Variants in MCC observed in about 807,000 individuals in gnomAD.
MCC encodes colorectal mutant cancer protein.
Under a neutral mutation model 116.2 loss-of-function variants are expected in MCC, and 90 were observed. The ratio of observed to expected loss-of-function variants is 0.77; its 90% CI spans 0.65 to 0.92. The LOEUF is 0.92. Among genes scored for constraint, MCC ranks in the 40% least tolerant of loss-of-function variants. MCC has a pLI of 0.00. For missense variants in MCC, 1,516 were observed against 1,312.2 expected, an observed-to-expected ratio of 1.16 and a Z score of -2.40; for synonymous variants, 578 against 510.5, an observed-to-expected ratio of 1.13 and a Z score of -1.78.
chr5:113,294,384 A>G, intron 3 of MCC: 1 of 1,613,694 alleles, frequency 6.2e-7, no homozygotes. Flanking sequence ...TCCGGAATTC[A>G]TGATGCACTT....
chr5:113,417,449 G>A (rs897654841), intron 1 of MCC, among the ~76,000 whole-genome samples: 5 of 152,176 alleles, frequency 3.3e-5, no homozygotes, highest in African/African-American at 1.2e-4. Context: ...AACCATTGTT[G>A]CCTAAGAGGT....
chr5:113,248,832 C>CTTTTTTTTTT lies in MCC; in HGVS notation c.627+91677_627+91686dup, dbSNP rs1269527611. ...CATGTGCTCTCATTCTCTCTCTCTT[C>CTTTTTTTTTT]TTTTTTTTTTTTTGAGATGGAGTCT... On this transcript the variant is annotated intron_variant, in intron 3 of 18. Transcript: ENST00000408903. 6.7e-4 allele frequency among the ~76,000 whole-genome samples: 92 copies of CTTTTTTTTTT among 138,214 alleles called. 2 individuals carry two copies. The highest frequency in any genetic ancestry group is 1.6e-3 in the African/African-American group (58 of 37,354). The allele number at this position is 138,214 out of a possible 152,430, so 90.7% of individuals were successfully genotyped here. A position where few individuals can be genotyped will look rare whatever the true frequency, so the allele number is the denominator to read the frequency against.
At chr5:113,032,130 G>T (rs768722950) in intron 17 of MCC, among the ~76,000 whole-genome samples, 13 of 152,244 alleles carry the variant, frequency 8.5e-5, no homozygotes, top group Non-Finnish European at 1.5e-4. Context: ...GATTACAGGG[G>T]CCGGGCGCTG....
At chr5:113,144,448 A>G (rs1386637689) in intron 4 of MCC, among the ~76,000 whole-genome samples, 5 of 152,344 alleles carry the variant, frequency 3.3e-5, no homozygotes, top group Non-Finnish European at 5.9e-5. Context: ...CTTAGTGCCA[A>G]GAGCCATATG....
chr5:113,123,728 C>G (rs538817056), intron 5 of MCC, among the ~76,000 whole-genome samples: 1 of 152,118 alleles, frequency 6.6e-6, no homozygotes, highest in Non-Finnish European at 1.5e-5. Flanking sequence ...CAAAATGAAC[C>G]GTCTTTGAAG....
intron 3 of MCC, among the ~76,000 whole-genome samples, chr5:113,244,943 T>C (rs1015307080): frequency 5.3e-5 from 8 of 152,250 alleles, no homozygotes; most frequent in African/African-American, 1.9e-4. Context: ...CCCACAAGTA[T>C]GAGAAACTTA....
chr5:113,329,944 C>T (rs1301548224), intron 3 of MCC, among the ~76,000 whole-genome samples: 1 of 152,222 alleles, frequency 6.6e-6, no homozygotes, highest in East Asian at 1.9e-4. Context: ...GGCAGCAGTG[C>T]AGTCATCTAA....
intron 2 of MCC, among the ~76,000 whole-genome samples, chr5:113,380,089 G>C (rs1415773399): frequency 1.9e-4 from 29 of 152,362 alleles, no homozygotes; most frequent in Middle Eastern, 3.4e-3. Flanking sequence ...AGCTGAGCAT[G>C]TAATGTTTTG....
chr5:113,488,193 C>T, intron 1 of MCC, 52 bp downstream of exon 1: 1 of 1,555,348 alleles, frequency 6.4e-7, no homozygotes, highest in African/African-American at 1.4e-5. Flanking sequence ...GTCAAGGGCG[C>T]GCGGAGGGAC....
intron 1 of MCC, chr5:113,436,249 T>C (rs1561571780): frequency 6.6e-6 from 1 of 152,538 alleles, no homozygotes; most frequent in Non-Finnish European, 1.5e-5. Flanking sequence ...GCGTGGTTGG[T>C]GCTCCTTCCT....
chr5:113,083,066 T>G, intron 10 of MCC, 58 bp from the exon 11 acceptor site: 1 of 1,509,256 alleles, frequency 6.6e-7, no homozygotes, highest in East Asian at 2.3e-5. Context: ...ATGCATGTTT[T>G]GCATGCAAAA....
chr5:113,421,822 T>G (rs1444109844), intron 1 of MCC, among the ~76,000 whole-genome samples: 2 of 152,194 alleles, frequency 1.3e-5, no homozygotes, highest in Non-Finnish European at 2.9e-5. Context: ...CCACGCTCCA[T>G]GAGGCTCTGG....
chr5:113,132,694 T>A lies in MCC; in HGVS notation c.885-9868A>T, dbSNP rs542309540. On this transcript the variant is annotated intron_variant, in intron 5 of 18. Transcript: ENST00000408903. ...AGGGCCTAGCCCTTAGTGGACTGAC[T>A]TGTATTTGGCCTGACTTGTATTGGG... Among the ~76,000 whole-genome samples, 3 of 152,284 alleles carry A rather than the reference T, an allele frequency of 2.0e-5. No individual in the cohort carries two copies. The East Asian group carries it at 5.8e-4, about 29-fold the overall frequency.
intron 1 of MCC, among the ~76,000 whole-genome samples, chr5:113,428,177 A>G (rs1337239665): frequency 6.6e-6 from 1 of 152,180 alleles, no homozygotes; most frequent in Non-Finnish European, 1.5e-5. Flanking sequence ...GCTCCTACAT[A>G]TAAAATCTTC....
chr5:113,209,912 A>T (rs976241191), intron 3 of MCC, among the ~76,000 whole-genome samples: 1 of 152,200 alleles, frequency 6.6e-6, no homozygotes, highest in Non-Finnish European at 1.5e-5. Context: ...TTTATAAATG[A>T]TGTGTCTAGA....
intron 3 of MCC, among the ~76,000 whole-genome samples, chr5:113,171,446 C>G (rs1761068240): frequency 6.6e-6 from 1 of 151,834 alleles, no homozygotes; most frequent in Admixed American, 6.6e-5. Context: ...ACTCTGTCTC[C>G]TGGGTTCAAG....
rs1409479264 is a variant in MCC, at chr5:113,082,852, C to T, written c.1784+8G>A. On this transcript the variant is annotated splice_region_variant and intron_variant, in intron 11 of 18. Coordinates refer to ENST00000408903, the MANE Select transcript of MCC (RefSeq NM_001085377.2). Reference sequence around the variant, plus strand: ...CCCCACAATCAAATCGATACGATCTCTCCTCACCTATTCAGCCGTTCTGTT... The same window carrying T: ...CCCCACAATCAAATCGATACGATCTTTCCTCACCTATTCAGCCGTTCTGTT... The T allele has an allele frequency of 3.1e-6, 5 of 1,613,470 alleles. No individual in the cohort carries two copies. Among genetic ancestry groups the T allele is most frequent in the African/African-American group, 1.3e-5 (1 of 74,918 alleles).
At chr5:113,460,504 G>A (rs1276899031) in intron 1 of MCC, among the ~76,000 whole-genome samples, 1 of 152,190 alleles carries the variant, frequency 6.6e-6, no homozygotes, top group Non-Finnish European at 1.5e-5. Context: ...CTCACCCCCA[G>A]TGGGTCAGAG....
At chr5:113,343,636 C>T (rs937990721) in intron 2 of MCC, among the ~76,000 whole-genome samples, 1 of 152,176 alleles carries the variant, frequency 6.6e-6, no homozygotes, top group Non-Finnish European at 1.5e-5. Flanking sequence ...ATATGTTCAC[C>T]ACAGTACTCT....
Sources: allele counts gnomAD v4.1 joint callset (sites outside exome capture counted in the v4.1 genomes callset), GRCh38; gene constraint gnomAD v4.1.1; transcripts MANE v1.5; gene names NCBI Gene and HGNC (gene_info 2026-07-23, HGNC 2026-07-21).